MUC22: variants seen among roughly 807,000 people sequenced by gnomAD.
MUC22 encodes the protein mucin 22, also known as mucin-22.
Under a neutral mutation model 40.3 loss-of-function variants are expected in MUC22, and 24 were observed. The ratio of observed to expected loss-of-function variants is 0.60; its 90% CI spans 0.43 to 0.84. The LOEUF is 0.84. Among genes scored for constraint, MUC22 ranks in the 40% least tolerant of loss-of-function variants. The pLI, the probability that MUC22 is intolerant of heterozygous loss-of-function variation, is 0.00. For synonymous variants in MUC22, 765 were observed against 844.5 expected, an observed-to-expected ratio of 0.91 and a Z score of 1.63; for missense variants, 1,926 against 2,130.7, an observed-to-expected ratio of 0.90 and a Z score of 1.89.
chr6:31,026,426 G>A lies in MUC22; in HGVS notation c.995G>A (p.Ser332Asn), dbSNP rs573230928. The A allele has an allele frequency of 9.2e-5, 138 of 1,503,668 alleles. 6 individuals carry two copies. In the African/African-American group the frequency reaches 1.5e-3, roughly 17 times the overall value. 93.1% of individuals were successfully genotyped at this position (1,503,668 alleles called of 1,614,324 possible). Residue 332 changes from serine to asparagine, a missense_variant, in exon 2 of 4, where the codon AGT (serine) becomes AAT (asparagine). Transcript: ENST00000561890. ...GGATCCGAGAACACCACAGTCTCTAGTGCAGGCTCTGGGACCACCACAGCT... is the reference window on the plus strand; with the variant it reads ...GGATCCGAGAACACCACAGTCTCTAATGCAGGCTCTGGGACCACCACAGCT...
intron 1 of MUC22, among the ~76,000 whole-genome samples, chr6:31,022,184 CTG>C (rs1049304604): frequency 1.3e-5 from 2 of 152,216 alleles, no homozygotes; most frequent in Non-Finnish European, 2.9e-5. Flanking sequence ...GTAACACTCA[CTG>C]TGAGGGTCTG....
chr6:31,018,386 G>A (rs757754368), intron 1 of MUC22, among the ~76,000 whole-genome samples: 41 of 152,242 alleles, frequency 2.7e-4, no homozygotes, highest in Middle Eastern at 3.4e-3. Context: ...TGCAATTCCC[G>A]AATCTTTCCA....
At chr6:31,030,965 T>G (rs6457300) in intron 2 of MUC22, among the ~76,000 whole-genome samples, 57,170 of 152,106 alleles carry the variant, frequency 0.38, 10,985 homozygotes, top group Admixed American at 0.46. Context: ...AAAGCCTAAA[T>G]TATTTGCTGT....
upstream of MUC22, among the ~76,000 whole-genome samples, chr6:31,007,907 T>TCTTA: frequency 6.6e-6 from 1 of 152,350 alleles, no homozygotes; most frequent in East Asian, 1.9e-4. The surrounding 1 kb of genome is among the most constrained non-coding windows in gnomAD (Gnocchi z 4.0). Context: ...AGCAACCTGC[T>TCTTA]CTTAACTCAT....
At chr6:31,034,984 G>A (rs1439870261) in exon 4 of MUC22, 34 of 1,511,146 alleles carry the variant, frequency 2.2e-5, no homozygotes, top group African/African-American at 1.1e-4. Flanking sequence ...AGGAGGCCAC[G>A]GCAGGACAAG....
chr6:31,013,471 C>A (rs1200996594), intron 1 of MUC22, among the ~76,000 whole-genome samples: 1 of 152,108 alleles, frequency 6.6e-6, no homozygotes, highest in Non-Finnish European at 1.5e-5. Flanking sequence ...TGCTATGTCA[C>A]TTCTCACCTC....
At chr6:31,025,715 C>T (rs747791085) in exon 2 of MUC22, 66 of 1,530,564 alleles carry the variant, frequency 4.3e-5, no homozygotes, top group Non-Finnish European at 5.2e-5. Context: ...GAGACCAACA[C>T]GGCCTCCACC....
At chr6:31,010,410 G>A (rs1035521927), upstream of MUC22, 1 of 359,950 alleles carries the variant, frequency 2.8e-6, no homozygotes, top group Admixed American at 4.1e-5. Context: ...GGGGAGGGAG[G>A]ACCCAAAGTT....
chr6:31,030,534 TG>T (rs796297359), intron 2 of MUC22, among the ~76,000 whole-genome samples: 1,602 of 97,012 alleles, frequency 0.017, 31 homozygotes, highest in East Asian at 0.079. Context: ...AAAAAAAAAA[TG>T]TCCTCTTCTG....
rs1410912765 is a variant in MUC22, at chr6:31,027,966, C to A, written c.2535C>A (p.Thr845=). The A allele has an allele frequency of 3.3e-6, 5 of 1,534,838 alleles. No homozygotes were observed. The African/African-American group carries it at 6.9e-5, about 21-fold the overall frequency. Reference sequence around the variant, plus strand: ...CAGCCTCCACTGCAGGCTCTGAGACCACCACAGTCTCTACTGCAGATTCTG... The same window carrying A: ...CAGCCTCCACTGCAGGCTCTGAGACAACCACAGTCTCTACTGCAGATTCTG... The change falls in exon 2 of 4, where the codon ACC becomes ACA. Residue 845 remains threonine, a synonymous_variant. Transcript: ENST00000561890.
rs76296100 is a variant in MUC22 at position 31,012,426 on chromosome 6, A to T, written c.70+1650A>T. On this transcript the variant is annotated intron_variant, in intron 1 of 3. Transcript: ENST00000561890. Reference sequence around the variant, plus strand: ...TGCCCGTCGCCTGTCCTAATCCTGAACTCCAGTCCTATCTGTCTGATTTTA... The same window carrying T: ...TGCCCGTCGCCTGTCCTAATCCTGATCTCCAGTCCTATCTGTCTGATTTTA... 2.9e-3 allele frequency among the ~76,000 whole-genome samples: 444 copies of T among 151,822 alleles called. 10 individuals are homozygous for T. The South Asian group carries it at 0.044, about 15-fold the overall frequency.
chr6:31,035,236 C>T, exon 4 of MUC22: 1 of 415,406 alleles, frequency 2.4e-6, no homozygotes. Context: ...GAGTCTCAGC[C>T]TCTGTTGTGG....
upstream of MUC22, among the ~76,000 whole-genome samples, chr6:31,010,194 A>C (rs1220155039): frequency 6.6e-6 from 1 of 152,028 alleles, no homozygotes. Context: ...CCCAGGGAAA[A>C]CAGGTTTCAG....
exon 4 of MUC22, chr6:31,034,734 C>T (rs868191672): frequency 6.5e-7 from 1 of 1,535,710 alleles, no homozygotes; most frequent in Middle Eastern, 1.7e-4. Flanking sequence ...ACAGCCACAG[C>T]CTTGGTCTGG....
Position 31,028,123 on chromosome 6 carries a change from G to C in MUC22, c.2692G>C (p.Val898Leu). 1 of 1,534,022 alleles carries C rather than the reference G, an allele frequency of 6.5e-7. No homozygotes were observed. The change falls in exon 2 of 4, where the codon GTC becomes CTC. Residue 898 changes from valine to leucine, a missense_variant. Around this residue, in one of 3 missense-constraint regions of MUC22, gnomAD observed 1,281 missense variants for 1,337.8 expected, o/e 0.96. Coordinates refer to ENST00000561890, the Ensembl canonical transcript of MUC22. ...TACTGAAGGCTCTGAGACCACTACA[G>C]TCTCCACCACAGACTCTGAGACCAC...
chr6:31,022,861 G>A lies in MUC22; in HGVS notation c.71-2641G>A, dbSNP rs75880402. The stretch of plus-strand genomic sequence containing the variant: ...AAAATGACTCAGGTCATGGTGCAGC[G>A]GTTTATGCCTGTAATCCTAGCCCTT... On this transcript the variant is annotated intron_variant, in intron 1 of 3. Transcript: ENST00000561890. 2.1e-3 allele frequency among the ~76,000 whole-genome samples: 317 copies of A among 152,294 alleles called. 1 individual carries two copies. Among genetic ancestry groups the A allele is most frequent in the African/African-American group, 6.9e-3 (286 of 41,556 alleles).
chr6:31,025,810 A>T (rs1562600130), exon 2 of MUC22: 7 of 1,532,304 alleles, frequency 4.6e-6, no homozygotes, highest in Non-Finnish European at 5.2e-6. Context: ...AGGCTCTGAA[A>T]CTATCGTGGC....
intron 3 of MUC22, 138 bp from the exon 4 acceptor site, chr6:31,034,533 GT>G (rs1488992853): frequency 4.4e-6 from 3 of 676,530 alleles, no homozygotes; most frequent in Non-Finnish European, 7.4e-6. Context: ...AGAGATCATA[GT>G]AAGGATGGTG....
intron 1 of MUC22, among the ~76,000 whole-genome samples, chr6:31,015,865 T>C (rs1018664812): frequency 1.3e-5 from 2 of 152,098 alleles, no homozygotes; most frequent in Non-Finnish European, 2.9e-5. Flanking sequence ...TTTATTGCAT[T>C]TTTTTCTTTG....
Sources: allele counts gnomAD v4.1 joint callset (sites outside exome capture counted in the v4.1 genomes callset), GRCh38; gene constraint gnomAD v4.1.1; regional missense constraint gnomAD v4.1.1; non-coding constraint Gnocchi (gnomAD v3.1); transcripts MANE v1.5; gene names NCBI Gene and HGNC (gene_info 2026-07-23, HGNC 2026-07-21).